Variants in DMD observed in about 807,000 individuals in gnomAD.
DMD encodes the protein mutant dystrophin.
DMD carries 63 observed loss-of-function variants against 330.1 expected under a neutral mutation model. The observed-to-expected ratio is 0.19, with a 90% CI of 0.16 to 0.24. The LOEUF (loss-of-function observed/expected upper bound fraction) is 0.24. Among genes scored for constraint, DMD ranks in the 10% least tolerant of loss-of-function variants. DMD has a pLI of 1.00. For missense variants in DMD, 3,344 were observed against 2,684.1 expected, an observed-to-expected ratio of 1.25 and a Z score of -5.43; for synonymous variants, 1,223 against 959.8, an observed-to-expected ratio of 1.27 and a Z score of -5.07.
At chrX:31,230,742 A>C (rs1327424243) in intron 63 of DMD, among the ~76,000 whole-genome samples, 1 of 111,649 alleles carries the variant, frequency 9.0e-6, no homozygotes, top group Admixed American at 9.5e-5. Flanking sequence ...AAGGTTATGA[A>C]CCAAAAAATA....
chrX:31,645,573 A>G (rs1370774122), intron 54 of DMD, among the ~76,000 whole-genome samples: 1 of 112,476 alleles, frequency 8.9e-6, no homozygotes, highest in Non-Finnish European at 1.9e-5. Flanking sequence ...GGCACTAGAG[A>G]ATACTATTCA....
chrX:32,453,625 C>G (rs948699428), intron 26 of DMD, among the ~76,000 whole-genome samples: 1 of 110,376 alleles, frequency 9.1e-6, no homozygotes, highest in Non-Finnish European at 1.9e-5. Context: ...TTATACTGTG[C>G]TAGGCATTGT....
chrX:32,651,980 A>G (rs887383865), intron 9 of DMD, among the ~76,000 whole-genome samples: 1 of 111,421 alleles, frequency 9.0e-6, no homozygotes, highest in Non-Finnish European at 1.9e-5. Flanking sequence ...AACATTCTTC[A>G]CTATTGCAGA....
At chrX:32,084,711 G>A (rs1395444868) in intron 44 of DMD, among the ~76,000 whole-genome samples, 1 of 111,280 alleles carries the variant, frequency 9.0e-6, no homozygotes, top group African/African-American at 3.3e-5. Context: ...TTACACTGCC[G>A]ACTCTAACTT....
chrX:31,669,074 G>A (rs1177746742), intron 53 of DMD, among the ~76,000 whole-genome samples: 3 of 112,115 alleles, frequency 2.7e-5, no homozygotes, highest in African/African-American at 6.5e-5. Context: ...AAACACAGGA[G>A]TGAAGATATC....
At chrX:32,550,154 T>C (rs1004450129) in intron 16 of DMD, among the ~76,000 whole-genome samples, 1 of 111,222 alleles carries the variant, frequency 9.0e-6, no homozygotes, top group Non-Finnish European at 1.9e-5. Context: ...CTATACTGAA[T>C]AGTGTAGGCA....
Position 31,960,494 on chromosome X carries a change from C to T in DMD, c.6614+7845G>A, listed in dbSNP as rs186555490. Among the ~76,000 whole-genome samples the T allele has an allele frequency of 8.1e-5, 9 of 111,263 alleles. No individual in the cohort carries two copies. The East Asian group carries it at 1.1e-3, about 14-fold the overall frequency. ...ATTTTTTCTTGCTTCAGTGATTTTGCTCCTGTCACTTTTTCTCTCTGGCAT... is the reference window on the plus strand; with the variant it reads ...ATTTTTTCTTGCTTCAGTGATTTTGTTCCTGTCACTTTTTCTCTCTGGCAT... On this transcript the variant is annotated intron_variant, in intron 45 of 78. Coordinates refer to ENST00000357033, the MANE Select transcript of DMD (RefSeq NM_004006.3).
intron 4 of DMD, among the ~76,000 whole-genome samples, chrX:32,826,850 C>T (rs191382398): frequency 1.8e-4 from 20 of 110,359 alleles, no homozygotes; most frequent in African/African-American, 6.6e-4. Flanking sequence ...TAAGTGTCCT[C>T]AACCCCAAAT....
Position 33,010,065 on chromosome X carries a change from T to C in DMD, c.93+10074A>G, listed in dbSNP as rs372865201. 9.5e-4 allele frequency among the ~76,000 whole-genome samples: 64 copies of C among 67,569 alleles called. 17 individuals are homozygous for C. In the East Asian group the frequency reaches 0.033, roughly 34 times the overall value. The allele number at this position is 67,569 out of a possible 115,157, so 58.7% of individuals were successfully genotyped here. ...ACACATGTGTATATATACGTGTATA[T>C]ATACACAAATGTGCACATGTGTATA... On this transcript the variant is annotated intron_variant, in intron 2 of 78. Transcript: ENST00000357033.
intron 42 of DMD, among the ~76,000 whole-genome samples, chrX:32,303,562 A>G (rs755458589): frequency 9.0e-6 from 1 of 111,266 alleles, no homozygotes; most frequent in Non-Finnish European, 1.9e-5. Flanking sequence ...AGGTGAAAAT[A>G]ATAGCTTTAA....
At chrX:31,297,191 T>C (rs1352658117) in intron 62 of DMD, among the ~76,000 whole-genome samples, 3 of 110,933 alleles carry the variant, frequency 2.7e-5, no homozygotes, top group Non-Finnish European at 3.8e-5. Context: ...CTGTATCAGT[T>C]TATACACCAT....
At chrX:32,324,425 CAT>C (rs2097639751) in intron 41 of DMD, among the ~76,000 whole-genome samples, 1 of 108,868 alleles carries the variant, frequency 9.2e-6, no homozygotes, top group African/African-American at 3.3e-5. Flanking sequence ...TCACAAGAAA[CAT>C]AAAAATACAA....
chrX:32,329,577 G>T (rs2097668743), intron 41 of DMD, among the ~76,000 whole-genome samples: 1 of 112,231 alleles, frequency 8.9e-6, no homozygotes, highest in Admixed American at 9.5e-5. Flanking sequence ...AGCAAGAAAT[G>T]AAAATATAGT....
At chrX:32,250,762 T>C (rs1338141578) in intron 43 of DMD, among the ~76,000 whole-genome samples, 2 of 112,239 alleles carry the variant, frequency 1.8e-5, no homozygotes, top group Middle Eastern at 4.6e-3. Flanking sequence ...GGCTGCTTTG[T>C]GAAACTACAT....
chrX:33,194,403 T>A (rs2050814341), intron 1 of DMD, among the ~76,000 whole-genome samples: 1 of 110,548 alleles, frequency 9.0e-6, no homozygotes, highest in Non-Finnish European at 1.9e-5. Flanking sequence ...GCTTTTGGCA[T>A]ACGGAGATCA....
intron 53 of DMD, among the ~76,000 whole-genome samples, chrX:31,668,240 T>C (rs1014704709): frequency 1.8e-5 from 2 of 111,651 alleles, no homozygotes; most frequent in African/African-American, 6.5e-5. Flanking sequence ...CTTTACAATA[T>C]TGCTTGCAGT....
intron 25 of DMD, among the ~76,000 whole-genome samples, chrX:32,457,958 G>T (rs1322962384): frequency 1.8e-5 from 2 of 110,801 alleles, no homozygotes; most frequent in African/African-American, 6.5e-5. Flanking sequence ...TTCTATATAT[G>T]TAGGTTTCTA....
intron 44 of DMD, among the ~76,000 whole-genome samples, chrX:31,992,861 G>A (rs1036127938): frequency 9.0e-6 from 1 of 111,613 alleles, no homozygotes; most frequent in Admixed American, 9.6e-5. Flanking sequence ...ACAATACAAA[G>A]CCAGCCAATC....
Position 31,406,652 on chromosome X carries a change from G to A in DMD, c.9084+37829C>T, listed in dbSNP as rs139249279. 9.8e-3 allele frequency among the ~76,000 whole-genome samples: 1,087 copies of A among 111,212 alleles called. 11 individuals carry two copies. Among genetic ancestry groups the A allele is most frequent in the African/African-American group, 0.033 (1,002 of 30,561 alleles). On this transcript the variant is annotated intron_variant, in intron 60 of 78. Coordinates refer to ENST00000357033, the MANE Select transcript of DMD (RefSeq NM_004006.3). Reference sequence around the variant, plus strand: ...CATTTTCATTCTCCAAAAGCCTCACGAAGTTGGTTTTTAATTCCATTTTAC... The same window carrying A: ...CATTTTCATTCTCCAAAAGCCTCACAAAGTTGGTTTTTAATTCCATTTTAC...
Sources: allele counts gnomAD v4.1 joint callset (sites outside exome capture counted in the v4.1 genomes callset), GRCh38; gene constraint gnomAD v4.1.1; transcripts MANE v1.5; gene names NCBI Gene and HGNC (gene_info 2026-07-23, HGNC 2026-07-21).